The following EXTL3 variants were observed in gnomAD, a reference collection of about 807,000 sequenced individuals.
EXTL3 encodes the protein exostosin like glycosyltransferase 3, also known as exostosin-like 3.
In EXTL3, 27 loss-of-function variants were observed where a neutral mutation model predicts 69.3. The ratio of observed to expected loss-of-function variants is 0.39; its 90% CI spans 0.29 to 0.54. EXTL3 has a LOEUF of 0.54. Among genes scored for constraint, EXTL3 ranks in the 20% least tolerant of loss-of-function variants. The pLI, the probability that EXTL3 is intolerant of heterozygous loss-of-function variation, is 0.69. For synonymous variants in EXTL3, 511 were observed against 499.4 expected (o/e 1.02, Z -0.31); for missense variants, 1,003 against 1,231.8 (o/e 0.81, Z 2.78).
At chr8:28,633,492 G>GGT (rs1806602740) in intron 1 of EXTL3, among the ~76,000 whole-genome samples, 1 of 151,844 alleles carries the variant, frequency 6.6e-6, no homozygotes, top group Non-Finnish European at 1.5e-5. Flanking sequence ...AAATTAGCCG[G>GGT]GTGTGGTGTT....
At position 28,713,645 on chromosome 8, in the gene EXTL3, T is replaced by A. The variant is rs1361673420; in HGVS notation, c.-476+95T>A. 79 of 658,696 alleles carry A rather than the reference T, an allele frequency of 1.2e-4. No individual in the cohort carries two copies. The East Asian group carries it at 2.1e-3, about 18-fold the overall frequency. 40.8% of individuals were successfully genotyped at this position (658,696 alleles called of 1,614,324 possible). ...TTCTTTGTTACAATTTGGTCATAAG[T>A]GCAAAGAAGATTCTTTTGAAAGCAA... On this transcript the variant is annotated intron_variant, in intron 2 of 6. Coordinates refer to ENST00000220562, the MANE Select transcript of EXTL3 (RefSeq NM_001440.4).
intron 6 of EXTL3, among the ~76,000 whole-genome samples, chr8:28,746,486 C>T (rs1351047128): frequency 2.6e-5 from 4 of 152,084 alleles, no homozygotes; most frequent in African/African-American, 4.8e-5. Flanking sequence ...AAGCATAAAA[C>T]GAATATTTTT....
At chr8:28,679,286 A>T (rs2130656439) in intron 1 of EXTL3, among the ~76,000 whole-genome samples, 1 of 152,304 alleles carries the variant, frequency 6.6e-6, no homozygotes, top group African/African-American at 2.4e-5. Context: ...TCTCTACTAA[A>T]AATACAAAAA....
upstream of EXTL3, among the ~76,000 whole-genome samples, chr8:28,698,961 C>T (rs1300356718): frequency 6.6e-6 from 1 of 152,168 alleles, no homozygotes; most frequent in Non-Finnish European, 1.5e-5. Flanking sequence ...CCACTGCACT[C>T]CAGCCTGGGC....
chr8:28,725,005 TG>T (rs566858342), intron 3 of EXTL3, among the ~76,000 whole-genome samples: 1 of 152,134 alleles, frequency 6.6e-6, no homozygotes, highest in South Asian at 2.1e-4. Flanking sequence ...TCTTTTAAGT[TG>T]GAGGAAGGGG....
At chr8:28,622,613 T>C (rs1176908052), upstream of EXTL3, 1 of 114,406 alleles carries the variant, frequency 8.7e-6, no homozygotes, top group Non-Finnish European at 1.9e-5. Context: ...GTGGGCGGGG[T>C]ATTCGGGGGG....
intron 1 of EXTL3, among the ~76,000 whole-genome samples, chr8:28,651,824 T>G (rs1806924914): frequency 6.6e-6 from 1 of 152,246 alleles, no homozygotes; most frequent in Non-Finnish European, 1.5e-5. Flanking sequence ...CCAAGGTTAA[T>G]AACTCCCAAT....
At chr8:28,722,476 T>C (rs934666166) in intron 3 of EXTL3, among the ~76,000 whole-genome samples, 7 of 152,174 alleles carry the variant, frequency 4.6e-5, no homozygotes, top group Non-Finnish European at 7.4e-5. Flanking sequence ...CCATTTTTTT[T>C]CCAAATGAAA....
rs751936147 is a variant in EXTL3 at position 28,717,354 on chromosome 8, T to G, written c.1295T>G (p.Leu432Arg). 1 of 1,614,160 alleles carries G rather than the reference T, an allele frequency of 6.2e-7. No homozygotes were observed. The highest frequency in any genetic ancestry group is 8.5e-7 in the Non-Finnish European group (1 of 1,180,032). ...TTGCTGAAGCTCTCCACCTTCGCCC[T>G]CATCATTACCCCCGGGGACCCTCGC... The part of the protein sequence containing the change: ...LELLKLSTFA[L>R]IITPGDPRLV... Residue 432 changes from leucine to arginine, a missense_variant, in exon 3 of 7, where the codon CTC becomes CGC. Physicochemically the swap from Leu to Arg is moderately radical, Grantham distance 102. Around this residue, in one of 2 missense-constraint regions of EXTL3, gnomAD observed 742 missense variants for 815.4 expected, o/e 0.91. Transcript: ENST00000220562. This position sits in a 1 kb window ranked among gnomAD's most constrained non-coding sequence, Gnocchi z 8.3.
upstream of EXTL3, chr8:28,697,455 C>T (rs940096804): frequency 3.9e-5 from 6 of 152,260 alleles, no homozygotes; most frequent in African/African-American, 1.4e-4. Flanking sequence ...GTGCTCCAGA[C>T]AGAAGACCCA....
chr8:28,626,150 C>A (rs1358219342), intron 1 of EXTL3, among the ~76,000 whole-genome samples: 1 of 143,056 alleles, frequency 7.0e-6, no homozygotes, highest in Admixed American at 7.1e-5. Flanking sequence ...ACAATCTGGG[C>A]AACAGGGTGA....
At chr8:28,666,041 TC>T (rs1807191621) in intron 1 of EXTL3, among the ~76,000 whole-genome samples, 1 of 152,212 alleles carries the variant, frequency 6.6e-6, no homozygotes, top group Admixed American at 6.5e-5. Flanking sequence ...GTCAATCTCA[TC>T]CTAATGCTTT....
At position 28,751,129 on chromosome 8, in the gene EXTL3, CAG is replaced by C. The variant is rs1283977404; in HGVS notation, c.*266_*267del. On this transcript the variant is annotated 3_prime_UTR_variant, in exon 7 of 7. Transcript: ENST00000220562. ...TACACTGAGGACTGTGGCGACTCTG[CAG>C]AGTCACTCACACCGTTCGTACGCCC... is the stretch of plus-strand genomic sequence containing the variant. 1.9e-6 allele frequency: 1 copy of C among 519,900 alleles called. No individual in the cohort carries two copies. The highest frequency in any genetic ancestry group is 3.5e-6 in the Non-Finnish European group (1 of 286,554). The allele number at this position is 519,900 out of a possible 1,614,324, so 32.2% of individuals were successfully genotyped here. A position where few individuals can be genotyped will look rare whatever the true frequency, so the allele number is the denominator to read the frequency against.
At chr8:28,652,843 C>T (rs1806949045) in intron 1 of EXTL3, among the ~76,000 whole-genome samples, 1 of 151,958 alleles carries the variant, frequency 6.6e-6, no homozygotes, top group Admixed American at 6.6e-5. Flanking sequence ...GCTCTTTGTC[C>T]TCTTTTTCTC....
intron 1 of EXTL3, among the ~76,000 whole-genome samples, chr8:28,653,290 T>C (rs1806956469): frequency 6.6e-6 from 1 of 152,204 alleles, no homozygotes; most frequent in Non-Finnish European, 1.5e-5. Flanking sequence ...GGATATATGA[T>C]TTATACATAT....
intron 3 of EXTL3, among the ~76,000 whole-genome samples, chr8:28,721,242 G>A (rs1473357850): frequency 6.6e-6 from 1 of 152,220 alleles, no homozygotes; most frequent in Non-Finnish European, 1.5e-5. Flanking sequence ...CTCATGTTGA[G>A]TTCTTTTATA....
intron 1 of EXTL3, among the ~76,000 whole-genome samples, chr8:28,708,145 A>C (rs1377398975): frequency 6.6e-6 from 1 of 152,214 alleles, no homozygotes; most frequent in Non-Finnish European, 1.5e-5. Context: ...CAGCCCTGTA[A>C]TAAGGGCGGC....
chr8:28,648,174 C>G (rs181649896), intron 1 of EXTL3, among the ~76,000 whole-genome samples: 15 of 152,308 alleles, frequency 9.8e-5, no homozygotes, highest in Non-Finnish European at 1.5e-5. Context: ...CTTTCTGATG[C>G]TGAGTTTCCA....
rs983765123 is a variant in EXTL3 at position 28,718,077 on chromosome 8, A to T, written c.2018A>T (p.Glu673Val). Residue 673 changes from glutamate (E) to valine (V), a missense_variant, in exon 3 of 7, where the codon GAG becomes GTG. By Grantham distance (121) the Glu-to-Val change is moderately radical. This residue lies in a region of EXTL3 where 261 missense variants were observed against 416.4 expected (regional missense o/e 0.63). Coordinates refer to ENST00000220562, the MANE Select transcript of EXTL3 (RefSeq NM_001440.4). ...GTGGTGATGTTGACTTATGAGCGGG[A>T]GGAAGTGCTTATGAACTCTTTAGAG... ...FTVVMLTYER[E>V]EVLMNSLERL... is the part of the protein sequence containing the mutation. 3.1e-6 allele frequency: 5 copies of T among 1,613,596 alleles called. No individual in the cohort carries two copies. Among genetic ancestry groups the T allele is most frequent in the Non-Finnish European group, 4.2e-6 (5 of 1,179,918 alleles).
Sources: gnomAD v4.1 joint callset for allele counts (sites outside exome capture counted in the v4.1 genomes callset) on GRCh38, gnomAD v4.1.1 for gene constraint, gnomAD v4.1.1 regional missense constraint, Gnocchi (gnomAD v3.1) non-coding constraint, MANE v1.5 for transcripts, NCBI Gene and HGNC (gene_info 2026-07-23, HGNC 2026-07-21) for gene names.